AQP4: variants seen among roughly 807,000 people sequenced by gnomAD.
The protein encoded by AQP4 is aquaporin 4.
In AQP4, 18 loss-of-function variants were observed where a neutral mutation model predicts 27.8. That is an observed-to-expected ratio of 0.65 (90% confidence interval 0.45 to 0.96). The LOEUF (loss-of-function observed/expected upper bound fraction) is 0.96. AQP4 is among the 40% of genes least tolerant of loss of function. The pLI is 0.00. For missense variants in AQP4, 412 were observed against 408.2 expected, an observed-to-expected ratio of 1.01 and a Z score of -0.08; for synonymous variants, 141 against 142.9, an observed-to-expected ratio of 0.99 and a Z score of 0.10.
At chr18:26,864,892 C>G (rs1053205223) in intron 1 of AQP4, among the ~76,000 whole-genome samples, 1 of 152,150 alleles carries the variant, frequency 6.6e-6, no homozygotes, top group Non-Finnish European at 1.5e-5. Flanking sequence ...TTCCGGAGTT[C>G]TCTCCCTGCT....
intron 4 of AQP4, among the ~76,000 whole-genome samples, chr18:26,858,022 G>T (rs1326552265): frequency 6.6e-6 from 1 of 152,126 alleles, no homozygotes; most frequent in Non-Finnish European, 1.5e-5. Context: ...TGTAATCCCA[G>T]CACTTTAAGA....
intron 1 of AQP4, 145 bp downstream of exon 1, chr18:26,865,513 C>T: frequency 1.0e-6 from 1 of 972,574 alleles, no homozygotes; most frequent in Non-Finnish European, 1.7e-6. Context: ...TGAAAATGCC[C>T]AGTACTCAGA....
chr18:26,865,571 C>G, intron 1 of AQP4, 87 bp downstream of exon 1: 2 of 1,575,066 alleles, frequency 1.3e-6, no homozygotes, highest in Admixed American at 3.3e-5. Flanking sequence ...CAGATTCTGC[C>G]TAAGAAGGCA....
chr18:26,855,962 T>G lies in AQP4; in HGVS notation c.*249A>C. ...TGGTTGTTAATGAAAGGTAACTAGA[T>G]AAAATAGGTATATATTTGCTTAAGA... On this transcript the variant is annotated 3_prime_UTR_variant, in exon 5 of 5. Transcript: ENST00000383168. The G allele has an allele frequency of 2.0e-6, 1 of 492,108 alleles. No individual in the cohort carries two copies. Among genetic ancestry groups the G allele is most frequent in the Non-Finnish European group, 3.6e-6 (1 of 276,498 alleles). 30.5% of individuals were successfully genotyped at this position (492,108 alleles called of 1,614,324 possible).
intron 2 of AQP4, among the ~76,000 whole-genome samples, chr18:26,861,816 A>G (rs921711005): frequency 6.6e-6 from 1 of 152,130 alleles, no homozygotes; most frequent in Non-Finnish European, 1.5e-5. Flanking sequence ...ATCATTGTAC[A>G]TCTTATGAAC....
Position 26,855,046 on chromosome 18 carries a change from A to G in AQP4, c.*1165T>C, listed in dbSNP as rs1221083547. 1 of 152,194 alleles carries G rather than the reference A, an allele frequency of 6.6e-6. No homozygotes were observed. The highest frequency in any genetic ancestry group is 2.4e-5 in the African/African-American group (1 of 41,448). The allele number at this position is 152,194 out of a possible 1,614,324, so 9.4% of individuals were successfully genotyped here. A position where few individuals can be genotyped will look rare whatever the true frequency, so the allele number is the denominator to read the frequency against. ...GTCCTCACCCTTTTATTCTGCAACC[A>G]TGTTGTACCTTGTCTGTCATGCATT... is the stretch of plus-strand genomic sequence containing the variant. On this transcript the variant is annotated 3_prime_UTR_variant, in exon 5 of 5. Coordinates refer to ENST00000383168, the MANE Select transcript of AQP4 (RefSeq NM_001650.7).
At position 26,862,253 on chromosome 18, in the gene AQP4, C is replaced by T; in HGVS notation, c.376G>A (p.Ala126Thr). The stretch of plus-strand genomic sequence containing the variant: ...TAGAGGATTCCTGCTCCAATGATGG[C>T]CCCCAGGCACTGGGCTGCGATGTAG... ...VFYIAAQCLG[A>T]IIGAGILYLV... Residue 126 changes from alanine to threonine, a missense_variant, in exon 2 of 5, where the codon GCC (alanine) becomes ACC (threonine). Transcript: ENST00000383168. 6.2e-7 allele frequency: 1 copy of T among 1,614,148 alleles called. No homozygotes were observed. Among genetic ancestry groups the T allele is most frequent in the Non-Finnish European group, 8.5e-7 (1 of 1,180,028 alleles).
chr18:26,864,273 C>T (rs941681789), intron 1 of AQP4, among the ~76,000 whole-genome samples: 1 of 152,092 alleles, frequency 6.6e-6, no homozygotes, highest in Non-Finnish European at 1.5e-5. Context: ...AAATGCAGTG[C>T]CAAAAAGGGT....
intron 1 of AQP4, chr18:26,863,034 T>C: frequency 5.1e-6 from 1 of 196,842 alleles, no homozygotes; most frequent in Non-Finnish European, 1.0e-5. Context: ...TTGCATTTGA[T>C]TGCTTTGAAA....
At position 26,855,233 on chromosome 18, in the gene AQP4, C is replaced by G. The variant is rs1258254551; in HGVS notation, c.*978G>C. On this transcript the variant is annotated 3_prime_UTR_variant, in exon 5 of 5. Transcript: ENST00000383168. The stretch of plus-strand genomic sequence containing the variant: ...ACTCAACTAGCTAAGTTCTTGTTAT[C>G]AAAAATATGTCTCAGCTAATGTTTA... The G allele has an allele frequency of 6.6e-6, 1 of 152,124 alleles. No individual in the cohort carries two copies. The highest frequency in any genetic ancestry group is 1.5e-5 in the Non-Finnish European group (1 of 68,016). 9.4% of individuals were successfully genotyped at this position (152,124 alleles called of 1,614,324 possible). A position where few individuals can be genotyped will look rare whatever the true frequency, so the allele number is the denominator to read the frequency against.
intron 4 of AQP4, among the ~76,000 whole-genome samples, chr18:26,857,078 G>C (rs1383192472): frequency 6.6e-6 from 1 of 151,994 alleles, no homozygotes; most frequent in Non-Finnish European, 1.5e-5. Flanking sequence ...CAAACCTCAC[G>C]GGGTAAAAGG....
At chr18:26,857,319 ATT>A (rs2054862135) in intron 4 of AQP4, among the ~76,000 whole-genome samples, 1 of 66,384 alleles carries the variant, frequency 1.5e-5, no homozygotes, top group Non-Finnish European at 3.4e-5. Flanking sequence ...GGAAATTATT[ATT>A]ATTATTATTA....
chr18:26,865,719 T>C (rs1323328581), upstream of AQP4: 5 of 1,614,132 alleles, frequency 3.1e-6, no homozygotes. Flanking sequence ...CAGCTCTCAT[T>C]GCCTGCCCCG....
chr18:26,861,324 T>C (rs900036748), intron 2 of AQP4, 29 bp from the exon 3 acceptor site: 3 of 1,602,976 alleles, frequency 1.9e-6, no homozygotes, highest in Non-Finnish European at 2.6e-6. Flanking sequence ...TCCATCAGAA[T>C]TGAAGCAAGA....
chr18:26,863,547 G>A (rs2054998974), intron 1 of AQP4, among the ~76,000 whole-genome samples: 1 of 152,160 alleles, frequency 6.6e-6, no homozygotes, highest in Admixed American at 6.5e-5. Context: ...AGGAAGGACA[G>A]CCTCTCCTCG....
At chr18:26,859,351 C>A (rs1463256680) in intron 4 of AQP4, among the ~76,000 whole-genome samples, 1 of 152,052 alleles carries the variant, frequency 6.6e-6, no homozygotes, top group East Asian at 1.9e-4. Context: ...GAAACCCTGT[C>A]TCTATGAAAA....
intron 4 of AQP4, among the ~76,000 whole-genome samples, chr18:26,859,518 C>A (rs750502023): frequency 6.6e-6 from 1 of 152,166 alleles, no homozygotes. Flanking sequence ...AAGACTCCAT[C>A]TCAAAAAGAA....
rs937041417 is a variant in AQP4 at position 26,856,183 on chromosome 18, C to T, written c.*28G>A. On this transcript the variant is annotated 3_prime_UTR_variant, in exon 5 of 5. Transcript: ENST00000383168. ...AAATCTGAGGACAGTTCTAAGGAGT[C>T]TTGTCTGCTTTCAGTGCGATCTTCT... 5 of 1,613,712 alleles carry T rather than the reference C, an allele frequency of 3.1e-6. No homozygotes were observed. Among genetic ancestry groups the T allele is most frequent in the Middle Eastern group, 1.7e-4 (1 of 6,060 alleles).
chr18:26,861,270 T>C lies in AQP4; in HGVS notation c.473A>G (p.His158Arg), dbSNP rs1189691152. 1.9e-6 allele frequency: 3 copies of C among 1,614,076 alleles called. No homozygotes were observed. The highest frequency in any genetic ancestry group is 2.2e-5 in the East Asian group (1 of 44,874). ...GATTATCAACTCAACCAGGAGACCA[T>C]GACCAGCGGTAAGATTTCCATGAAC... is the stretch of plus-strand genomic sequence containing the variant. ...TMVHGNLTAG[H>R]GLLVELIITF... Residue 158 changes from histidine (H) to arginine (R), a missense_variant, in exon 3 of 5, where the codon CAT (histidine) becomes CGT (arginine). Coordinates refer to ENST00000383168, the MANE Select transcript of AQP4 (RefSeq NM_001650.7).
Sources: gnomAD v4.1 joint callset for allele counts (sites outside exome capture counted in the v4.1 genomes callset) on GRCh38, gnomAD v4.1.1 for gene constraint, MANE v1.5 for transcripts, NCBI Gene and HGNC (gene_info 2026-07-23, HGNC 2026-07-21) for gene names.